CHPT1: variants seen among roughly 807,000 people sequenced by gnomAD.
CHPT1 encodes choline phosphotransferase 1.
Under a neutral mutation model 47.6 loss-of-function variants are expected in CHPT1, and 36 were observed. That is an observed-to-expected ratio of 0.76 (90% CI 0.58 to 1.00). The LOEUF (loss-of-function observed/expected upper bound fraction) is 1.00. CHPT1 is among the 50% of genes least tolerant of loss of function. The probability of loss-of-function intolerance (pLI) is 0.00; values close to 1 mark genes in which losing one functional copy is unlikely to be tolerated. For missense variants in CHPT1, 458 were observed against 498.1 expected (o/e 0.92, Z 0.77); for synonymous variants, 194 against 186.3 (o/e 1.04, Z -0.33).
chr12:101,714,095 A>G lies in CHPT1; in HGVS notation c.279A>G (p.Pro93=). The G allele has an allele frequency of 6.3e-7, 1 of 1,599,186 alleles. No individual in the cohort carries two copies. Among genetic ancestry groups the G allele is most frequent in the South Asian group, 1.1e-5 (1 of 89,182 alleles). The change falls in exon 2 of 9, where the codon CCA becomes CCG. Residue 93 remains proline (P), a synonymous_variant. Transcript: ENST00000229266. Reference sequence around the variant, plus strand: ...TTTATTTACATTTTTTATAGGCACCATACTGGACATACCTTTTATGTGCAC... The same window carrying G: ...TTTATTTACATTTTTTATAGGCACCGTACTGGACATACCTTTTATGTGCAC... ...SYCPTATEEA[P]YWTYLLCALG... is the part of the protein sequence containing the mutation.
intron 4 of CHPT1, among the ~76,000 whole-genome samples, chr12:101,719,046 A>G (rs1314717152): frequency 3.3e-5 from 5 of 150,742 alleles, no homozygotes; most frequent in African/African-American, 1.2e-4. Flanking sequence ...AATCCCAGCT[A>G]CTCGGGAGGC....
chr12:101,715,874 A>T (rs1951756875), intron 3 of CHPT1, among the ~76,000 whole-genome samples: 1 of 152,158 alleles, frequency 6.6e-6, no homozygotes, highest in African/African-American at 2.4e-5. Flanking sequence ...AACACAGCAG[A>T]GCTTTTCAAG....
Position 101,726,320 on chromosome 12 carries a change from A to ATACTT in CHPT1, c.1095_1099dup (p.Ser367ThrfsTer15), listed in dbSNP as rs1452320645. On this transcript the variant is annotated frameshift_variant, in exon 8 of 9. Coordinates refer to ENST00000229266, the MANE Select transcript of CHPT1 (RefSeq NM_020244.3). LOFTEE classifies it high-confidence loss of function. ...TGATTTCTTCATTTGATATGGTGAT[A>ATACTT]TACTTTAGTGCTTTGTGCCTGCAAA... The ATACTT allele has an allele frequency of 1.2e-6, 2 of 1,611,426 alleles. No individual in the cohort carries two copies. Among genetic ancestry groups the ATACTT allele is most frequent in the East Asian group, 2.2e-5 (1 of 44,842 alleles).
chr12:101,727,474 A>ATATG (rs1951984953), intron 8 of CHPT1: 1 of 140,804 alleles, frequency 7.1e-6, no homozygotes, highest in African/African-American at 2.7e-5. Context: ...TCAACAGACC[A>ATATG]TATGTCATAT....
At position 101,723,263 on chromosome 12, in the gene CHPT1, GCA is replaced by G; in HGVS notation, c.877_878del (p.His293SerfsTer14). The G allele has an allele frequency of 6.2e-7, 1 of 1,612,414 alleles. No individual in the cohort carries two copies. The highest frequency in any genetic ancestry group is 8.5e-7 in the Non-Finnish European group (1 of 1,178,694). On this transcript the variant is annotated frameshift_variant, in exon 6 of 9. Coordinates refer to ENST00000229266, the MANE Select transcript of CHPT1 (RefSeq NM_020244.3). LOFTEE classifies it high-confidence loss of function. ...KKSATDVFEK[H>X]PCLYILMFGC... ...AGTCAGCAACTGATGTGTTTGAAAA[GCA>G]TCCTTGTCTTTATATCCTAATGTTT...
rs1952047056 is a variant in CHPT1 at position 101,728,803 on chromosome 12, A to G, written c.1177-98A>G. On this transcript the variant is annotated intron_variant, in intron 8 of 8. Transcript: ENST00000229266. The stretch of plus-strand genomic sequence containing the variant: ...ACTTAACAGAAAGGGAGGTCTTACA[A>G]TGAAACAGGTTTATGATTAAAGATG... The G allele has an allele frequency of 1.1e-5, 15 of 1,423,830 alleles. No individual in the cohort carries two copies. In the South Asian group the frequency reaches 1.6e-4, roughly 15 times the overall value. 88.2% of individuals were successfully genotyped at this position (1,423,830 alleles called of 1,614,324 possible). A position where few individuals can be genotyped will look rare whatever the true frequency, so the allele number is the denominator to read the frequency against.
intron 5 of CHPT1, among the ~76,000 whole-genome samples, chr12:101,722,474 A>G (rs746860094): frequency 3.3e-5 from 5 of 152,120 alleles, no homozygotes. Flanking sequence ...TAAAAATGTA[A>G]TGGTCTGGAT....
chr12:101,716,587 A>G (rs1951766677), intron 3 of CHPT1, 141 bp from the exon 4 acceptor site: 1 of 542,852 alleles, frequency 1.8e-6, no homozygotes, highest in African/African-American at 1.9e-5. Context: ...GTCAACTGAT[A>G]ATTCAATAAT....
rs749553773 is a variant in CHPT1 at position 101,698,154 on chromosome 12, C to T, written c.273+20C>T. On this transcript the variant is annotated intron_variant, in intron 1 of 8. Transcript: ENST00000229266. ...GAAGAGGTAGGGCTGGCCGATCGCC[C>T]GAGCCGGGCCCCAGATGCGCTGCGG... is the stretch of plus-strand genomic sequence containing the variant. 8.4e-6 allele frequency: 12 copies of T among 1,436,294 alleles called. No individual in the cohort carries two copies. The highest frequency in any genetic ancestry group is 1.1e-5 in the Non-Finnish European group (12 of 1,093,396). 89.0% of individuals were successfully genotyped at this position (1,436,294 alleles called of 1,614,324 possible).
At chr12:101,698,817 C>T (rs1477570246) in intron 1 of CHPT1, among the ~76,000 whole-genome samples, 1 of 152,214 alleles carries the variant, frequency 6.6e-6, no homozygotes, top group East Asian at 1.9e-4. Context: ...TAAATATAGG[C>T]TTTGGATAGC....
intron 1 of CHPT1, among the ~76,000 whole-genome samples, chr12:101,712,260 A>G (rs150983807): frequency 0.023 from 3,390 of 148,394 alleles, 350 homozygotes; most frequent in Non-Finnish European, 0.033. Context: ...GGCTTAAGCA[A>G]TCTGCCCACC....
At chr12:101,723,970 A>C in intron 7 of CHPT1, 123 bp downstream of exon 7, 1 of 693,414 alleles carries the variant, frequency 1.4e-6, no homozygotes. Flanking sequence ...TAATCCCAGC[A>C]CTTTGGGAGG....
In CHPT1 at chr12:101,698,032, C is replaced by T. The variant is rs1254413000; in HGVS notation, c.171C>T (p.Ile57=). Reference sequence around the variant, plus strand: ...ACTGGACCTGGCTGCTCCAGTGGATCCCGCTCTGGATGGCCCCCAACTCCA... The same window carrying T: ...ACTGGACCTGGCTGCTCCAGTGGATTCCGCTCTGGATGGCCCCCAACTCCA... ...QLYWTWLLQW[I]PLWMAPNSIT... is the part of the protein sequence containing the mutation. The change falls in exon 1 of 9, where the codon ATC becomes ATT. Residue 57 remains isoleucine, a synonymous_variant. Coordinates refer to ENST00000229266, the MANE Select transcript of CHPT1 (RefSeq NM_020244.3). 5.7e-6 allele frequency: 9 copies of T among 1,580,930 alleles called. No individual in the cohort carries two copies. Among genetic ancestry groups the T allele is most frequent in the Non-Finnish European group, 7.7e-6 (9 of 1,172,188 alleles).
intron 1 of CHPT1, among the ~76,000 whole-genome samples, chr12:101,704,582 G>A (rs1337967542): frequency 6.7e-6 from 1 of 148,870 alleles, no homozygotes; most frequent in Non-Finnish European, 1.5e-5. Flanking sequence ...TGTGTTTTTA[G>A]TAGAGATGGG....
intron 5 of CHPT1, among the ~76,000 whole-genome samples, chr12:101,722,707 T>TAAAAAAAAAAAAAAAAAAAAA (rs10605402): frequency 2.6e-5 from 3 of 113,772 alleles, no homozygotes; most frequent in African/African-American, 3.0e-5. Context: ...CACAAAAAAT[T>TAAAAAAAAAAAAAAAAAAAAA]AAAAAAAAAA....
At chr12:101,716,628 C>T (rs1951767072) in intron 3 of CHPT1, 100 bp from the exon 4 acceptor site, 1 of 656,498 alleles carries the variant, frequency 1.5e-6, no homozygotes, top group East Asian at 2.8e-5. Context: ...ACTAAGCCTA[C>T]AGAGATTTTT....
At chr12:101,709,996 TA>T (rs1469953701) in intron 1 of CHPT1, among the ~76,000 whole-genome samples, 4 of 149,146 alleles carry the variant, frequency 2.7e-5, no homozygotes, top group South Asian at 2.1e-4. Context: ...AAGAATATGA[TA>T]ATAACTGCCC....
At position 101,698,035 on chromosome 12, in the gene CHPT1, G is replaced by C. The variant is rs1248777840; in HGVS notation, c.174G>C (p.Pro58=). 1 of 1,580,298 alleles carries C rather than the reference G, an allele frequency of 6.3e-7. No homozygotes were observed. The highest frequency in any genetic ancestry group is 8.5e-7 in the Non-Finnish European group (1 of 1,171,846). Residue 58 remains proline, a synonymous_variant, in exon 1 of 9, where the codon CCG becomes CCC. Transcript: ENST00000229266. ...LYWTWLLQWI[P]LWMAPNSITL... is the part of the protein sequence containing the mutation. ...GGACCTGGCTGCTCCAGTGGATCCC[G>C]CTCTGGATGGCCCCCAACTCCATCA...
At chr12:101,699,071 C>T (rs1259464455) in intron 1 of CHPT1, among the ~76,000 whole-genome samples, 1 of 152,182 alleles carries the variant, frequency 6.6e-6, no homozygotes, top group Non-Finnish European at 1.5e-5. Flanking sequence ...TCATGCCCTC[C>T]ATGCATGCAT....
Sources: allele counts gnomAD v4.1 joint callset (sites outside exome capture counted in the v4.1 genomes callset), GRCh38; gene constraint gnomAD v4.1.1; transcripts MANE v1.5; gene names NCBI Gene and HGNC (gene_info 2026-07-23, HGNC 2026-07-21).